The following TRPM6 variants were observed in gnomAD, a reference collection of about 807,000 sequenced individuals.
TRPM6 encodes transient receptor potential cation channel subfamily M member 6, also known as channel kinase 2.
Under a neutral mutation model 247.6 loss-of-function variants are expected in TRPM6, and 111 were observed. That is an observed-to-expected ratio of 0.45 (90% CI 0.38 to 0.52). The LOEUF is 0.52. TRPM6 is among the 20% of genes least tolerant of loss of function. The pLI, the probability that TRPM6 is intolerant of heterozygous loss-of-function variation, is 0.00. For missense variants in TRPM6, 2,126 were observed against 2,421.5 expected (o/e 0.88, Z 2.56); for synonymous variants, 892 against 853.8 (o/e 1.04, Z -0.78).
chr9:74,804,482 T>C (rs150932067), intron 14 of TRPM6: 7 of 670,608 alleles, frequency 1.0e-5, no homozygotes, highest in Non-Finnish European at 1.4e-5. Flanking sequence ...TAAGCTTGCC[T>C]GATCTCTATT....
intron 1 of TRPM6, among the ~76,000 whole-genome samples, chr9:74,881,508 A>T (rs1257934230): frequency 1.3e-5 from 2 of 152,068 alleles, no homozygotes; most frequent in Non-Finnish European, 2.9e-5. Context: ...GGACTTCAAC[A>T]CCCCACTCTC....
At chr9:74,809,976 CAA>C (rs57812269) in intron 13 of TRPM6, among the ~76,000 whole-genome samples, 3,746 of 33,070 alleles carry the variant, frequency 0.11, 72 homozygotes, top group African/African-American at 0.29. Context: ...AACTCCATCT[CAA>C]AAAAAAAAAA....
intron 37 of TRPM6, among the ~76,000 whole-genome samples, chr9:74,731,678 C>T (rs1825526137): frequency 6.7e-6 from 1 of 148,476 alleles, no homozygotes; most frequent in Non-Finnish European, 1.5e-5. Context: ...TATTGATTGC[C>T]CACTTATGTA....
chr9:74,745,164 C>G (rs962449999), intron 31 of TRPM6, among the ~76,000 whole-genome samples: 1 of 152,168 alleles, frequency 6.6e-6, no homozygotes, highest in Non-Finnish European at 1.5e-5. Context: ...GTTTATGGAA[C>G]ACATTAATTC....
At chr9:74,777,679 C>G (rs1265643124) in intron 23 of TRPM6, among the ~76,000 whole-genome samples, 1 of 152,160 alleles carries the variant, frequency 6.6e-6, no homozygotes, top group East Asian at 1.9e-4. Context: ...CATAGGCTCC[C>G]AGCTCTAAAC....
intron 24 of TRPM6, among the ~76,000 whole-genome samples, chr9:74,774,277 G>A (rs1203232069): frequency 1.3e-5 from 2 of 152,132 alleles, no homozygotes; most frequent in Non-Finnish European, 2.9e-5. Flanking sequence ...TAGGAAGTCT[G>A]GGCAAATCCT....
chr9:74,739,487 C>T, intron 34 of TRPM6, 38 bp from the exon 35 acceptor site: 2 of 1,588,448 alleles, frequency 1.3e-6, no homozygotes, highest in Non-Finnish European at 1.7e-6. Flanking sequence ...TACTGATTTA[C>T]TGTTGTACAG....
At chr9:74,802,339 A>G (rs1828373847) in intron 15 of TRPM6, among the ~76,000 whole-genome samples, 164 bp from the exon 16 acceptor site, 1 of 152,228 alleles carries the variant, frequency 6.6e-6, no homozygotes, top group Admixed American at 6.5e-5. Context: ...TTTAGACCAT[A>G]AAAGGTAATC....
Position 74,827,820 on chromosome 9 carries a change from T to C in TRPM6, c.799A>G (p.Arg267Gly), listed in dbSNP as rs761650163. The C allele has an allele frequency of 6.2e-7, 1 of 1,614,136 alleles. No homozygotes were observed. The highest frequency in any genetic ancestry group is 1.1e-5 in the South Asian group (1 of 91,084). The change falls in exon 7 of 39, where the codon AGG (arginine) becomes GGG (glycine). Residue 267 changes from arginine (R) to glycine (G), a missense_variant. Transcript: ENST00000360774. ...AGAGAGAGGTACTTCTCCAGGTTCC[T>C]TCTGAGCTTCATTTCATTTCCATAC... is the stretch of plus-strand genomic sequence containing the variant. Reference protein sequence around the residue: ...GKYGNEMKLRRNLEKYLSLQK... With the variant: ...GKYGNEMKLRGNLEKYLSLQK...
chr9:74,810,663 T>G (rs1339040701), intron 13 of TRPM6, 152 bp downstream of exon 13: 2 of 723,306 alleles, frequency 2.8e-6, no homozygotes, highest in African/African-American at 3.5e-5. Context: ...GAATGTGGTT[T>G]GTTGATGAAC....
intron 30 of TRPM6, among the ~76,000 whole-genome samples, chr9:74,749,129 G>T (rs1826152998): frequency 6.6e-6 from 1 of 152,106 alleles, no homozygotes; most frequent in Admixed American, 6.5e-5. Context: ...GTGTGTAGTA[G>T]GTTAGACCAT....
At chr9:74,724,798 T>C in intron 38 of TRPM6, 52 bp from the exon 39 acceptor site, 1 of 1,611,856 alleles carries the variant, frequency 6.2e-7, no homozygotes, top group South Asian at 1.1e-5. Flanking sequence ...GAACCTACTG[T>C]TCATGAAGAC....
chr9:74,741,892 A>C (rs549278748), intron 33 of TRPM6, among the ~76,000 whole-genome samples: 3,922 of 37,548 alleles, frequency 0.1, 172 homozygotes, highest in African/African-American at 0.43. Flanking sequence ...CTCCATCTCA[A>C]AAAAAAAATA....
chr9:74,792,542 T>G lies in TRPM6; in HGVS notation c.2538+82A>C. The G allele has an allele frequency of 4.1e-6, 6 of 1,445,912 alleles. No individual in the cohort carries two copies. In the South Asian group the frequency reaches 4.6e-5, roughly 11 times the overall value. 89.6% of individuals were successfully genotyped at this position (1,445,912 alleles called of 1,614,324 possible). A position where few individuals can be genotyped will look rare whatever the true frequency, so the allele number is the denominator to read the frequency against. ...AGGTTTCTACATTTTTAATGCAAAGTGGCAAATCAGGCATATTATCAACAT... is the reference window on the plus strand; with the variant it reads ...AGGTTTCTACATTTTTAATGCAAAGGGGCAAATCAGGCATATTATCAACAT... On this transcript the variant is annotated intron_variant, in intron 19 of 38. Transcript: ENST00000360774.
At chr9:74,771,098 C>A (rs1461049195) in intron 25 of TRPM6, among the ~76,000 whole-genome samples, 2 of 152,158 alleles carry the variant, frequency 1.3e-5, no homozygotes, top group African/African-American at 4.8e-5. Flanking sequence ...CACCATGTGG[C>A]CTCAGGCGGC....
At chr9:74,765,205 G>GTAGA (rs1458693935) in intron 25 of TRPM6, among the ~76,000 whole-genome samples, 1 of 152,002 alleles carries the variant, frequency 6.6e-6, no homozygotes, top group East Asian at 1.9e-4. Context: ...ATTTCTAGTG[G>GTAGA]TAGAGGCAGG....
intron 27 of TRPM6, among the ~76,000 whole-genome samples, chr9:74,757,233 C>T (rs1468023486): frequency 3.3e-5 from 5 of 151,126 alleles, no homozygotes; most frequent in Non-Finnish European, 7.4e-5. Flanking sequence ...AGAGTTAAAC[C>T]CAAAGTAAAT....
chr9:74,842,282 C>T lies in TRPM6; in HGVS notation c.214G>A (p.Ala72Thr), dbSNP rs1020075499. The T allele has an allele frequency of 3.7e-6, 6 of 1,613,988 alleles. No individual in the cohort carries two copies. Among genetic ancestry groups the T allele is most frequent in the Admixed American group, 1.7e-5 (1 of 59,996 alleles). Residue 72 changes from alanine (A) to threonine (T), a missense_variant, in exon 4 of 39, where the codon GCT (alanine) becomes ACT (threonine). Coordinates refer to ENST00000360774, the MANE Select transcript of TRPM6 (RefSeq NM_017662.5). ...AGIDYSWTISAAKGKESEQWS... is the reference protein window; with the variant it reads ...AGIDYSWTISTAKGKESEQWS... ...TGTTCACTTTCTTTACCCTTGGCAG[C>T]TGAGATGGTCCAGGAATAATCTATC... is the stretch of plus-strand genomic sequence containing the variant.
At chr9:74,773,390 GA>G (rs1471649861) in intron 24 of TRPM6, among the ~76,000 whole-genome samples, 1 of 152,120 alleles carries the variant, frequency 6.6e-6, no homozygotes, top group Non-Finnish European at 1.5e-5. Context: ...TGAAGAATGA[GA>G]TGTTATTATT....
Sources: gnomAD v4.1 joint callset for allele counts (sites outside exome capture counted in the v4.1 genomes callset) on GRCh38, gnomAD v4.1.1 for gene constraint, MANE v1.5 for transcripts, NCBI Gene and HGNC (gene_info 2026-07-23, HGNC 2026-07-21) for gene names.